HSPA14: variants seen among roughly 807,000 people sequenced by gnomAD.
HSPA14 encodes heat shock 70 kDa protein 14.
A neutral mutation model predicts 65.5 loss-of-function variants in HSPA14; 37 were observed. The observed-to-expected ratio is 0.56, with a 90% CI of 0.43 to 0.74. HSPA14 has a LOEUF of 0.74. Among genes scored for constraint, HSPA14 ranks in the 30% least tolerant of loss-of-function variants. The pLI is 0.00. For synonymous variants in HSPA14, 203 were observed against 214.2 expected (o/e 0.95, Z 0.46); for missense variants, 564 against 607.6 (o/e 0.93, Z 0.75).
At chr10:14,856,718 G>T (rs910694770) in intron 10 of HSPA14, among the ~76,000 whole-genome samples, 8 of 152,032 alleles carry the variant, frequency 5.3e-5, no homozygotes, top group Non-Finnish European at 1.2e-4. Flanking sequence ...AATTAGCGGG[G>T]TGTGATGATG....
chr10:14,862,189 G>A (rs1357153509), intron 10 of HSPA14, among the ~76,000 whole-genome samples: 7 of 150,372 alleles, frequency 4.7e-5, no homozygotes, highest in Admixed American at 1.3e-4. Flanking sequence ...CACCACACCC[G>A]GCTAATTTTT....
chr10:14,865,779 G>A (rs1439393548), intron 10 of HSPA14, among the ~76,000 whole-genome samples: 10 of 152,166 alleles, frequency 6.6e-5, no homozygotes, highest in Non-Finnish European at 1.5e-5. Flanking sequence ...TTTGGCTTAG[G>A]ATTGACTTGG....
chr10:14,847,394 G>T (rs1236313545), intron 3 of HSPA14, among the ~76,000 whole-genome samples: 3 of 152,300 alleles, frequency 2.0e-5, no homozygotes, highest in African/African-American at 7.2e-5. Flanking sequence ...AAGTGTTTGG[G>T]ATATAGTTAA....
intron 10 of HSPA14, among the ~76,000 whole-genome samples, chr10:14,864,330 TTTATATATATTTTTA>T (rs1049103157): frequency 9.2e-5 from 14 of 151,362 alleles, no homozygotes; most frequent in African/African-American, 2.7e-4. Flanking sequence ...TTTTTTTATT[TTTATATATATTTTTA>T]TTATACTTTA....
chr10:14,863,682 C>G (rs1041220991), intron 10 of HSPA14, among the ~76,000 whole-genome samples: 4 of 152,088 alleles, frequency 2.6e-5, no homozygotes, highest in African/African-American at 7.2e-5. Flanking sequence ...GCTGCTTCTC[C>G]CCACCCTCCT....
intron 3 of HSPA14, among the ~76,000 whole-genome samples, chr10:14,843,150 A>G (rs1833997018): frequency 6.6e-6 from 1 of 152,200 alleles, no homozygotes; most frequent in African/African-American, 2.4e-5. Flanking sequence ...TTGGATAGCT[A>G]TGTACAAAGG....
intron 10 of HSPA14, among the ~76,000 whole-genome samples, chr10:14,860,546 A>C (rs1254806637): frequency 6.6e-6 from 1 of 152,154 alleles, no homozygotes; most frequent in African/African-American, 2.4e-5. Context: ...GTGAAGTGAT[A>C]GAACAAGCCA....
intron 3 of HSPA14, among the ~76,000 whole-genome samples, chr10:14,848,226 T>A (rs1260191426): frequency 6.6e-6 from 1 of 152,216 alleles, no homozygotes; most frequent in African/African-American, 2.4e-5. Context: ...TTAGCTAGTT[T>A]GGTTTGCCTT....
At chr10:14,867,934 T>C (rs1178708401) in intron 12 of HSPA14, 25 bp downstream of exon 12, 3 of 1,582,750 alleles carry the variant, frequency 1.9e-6, no homozygotes, top group Non-Finnish European at 2.6e-6. Context: ...TTAGACACAT[T>C]AAACTGTTCA....
chr10:14,863,882 T>C (rs942352013), intron 10 of HSPA14, among the ~76,000 whole-genome samples: 4 of 152,066 alleles, frequency 2.6e-5, no homozygotes, highest in Admixed American at 6.6e-5. Context: ...CCTGATCTGA[T>C]AGAATTATTG....
At position 14,840,175 on chromosome 10, in the gene HSPA14, A is replaced by G; in HGVS notation, c.221+18A>G. ...GGCAGAAGGTATGGAATCAAATGATACTTTTAAATATGGTAATAGGAACAT... is the reference window on the plus strand; with the variant it reads ...GGCAGAAGGTATGGAATCAAATGATGCTTTTAAATATGGTAATAGGAACAT... On this transcript the variant is annotated intron_variant, in intron 3 of 13. Transcript: ENST00000378372. 1.7e-6 allele frequency: 2 copies of G among 1,193,648 alleles called. No homozygotes were observed. The highest frequency in any genetic ancestry group is 2.3e-6 in the Non-Finnish European group (2 of 864,644). 73.9% of individuals were successfully genotyped at this position (1,193,648 alleles called of 1,614,324 possible). A position where few individuals can be genotyped will look rare whatever the true frequency, so the allele number is the denominator to read the frequency against.
chr10:14,868,344 T>C (rs960890827), intron 12 of HSPA14, among the ~76,000 whole-genome samples: 3 of 152,224 alleles, frequency 2.0e-5, no homozygotes, highest in African/African-American at 7.2e-5. Flanking sequence ...TGACATGCTC[T>C]TCCCATTGTG....
chr10:14,860,531 ATGAAG>A (rs928592021), intron 10 of HSPA14, among the ~76,000 whole-genome samples: 10 of 152,160 alleles, frequency 6.6e-5, no homozygotes, highest in African/African-American at 2.4e-4. Flanking sequence ...AGAGTCCTGA[ATGAAG>A]TGAAGTGATA....
chr10:14,854,068 A>C, intron 8 of HSPA14, 57 bp from the exon 9 acceptor site: 4 of 1,412,178 alleles, frequency 2.8e-6, no homozygotes, highest in Non-Finnish European at 3.9e-6. Flanking sequence ...GATCTTAGTT[A>C]CAATATTGTA....
intron 3 of HSPA14, among the ~76,000 whole-genome samples, chr10:14,848,080 A>G (rs1161537640): frequency 6.6e-6 from 1 of 152,268 alleles, no homozygotes; most frequent in African/African-American, 2.4e-5. Context: ...TGTAGTCTGC[A>G]TAAGTTGCTT....
chr10:14,853,716 TTTTATTTA>T (rs1305546722), intron 8 of HSPA14, among the ~76,000 whole-genome samples: 10 of 152,036 alleles, frequency 6.6e-5, no homozygotes, highest in African/African-American at 2.2e-4. Context: ...CACTAATTTA[TTTTATTTA>T]TTTATTTATT....
chr10:14,870,635 A>C lies in HSPA14; in HGVS notation c.1419A>C (p.Leu473Phe). The change falls in exon 13 of 14, where the codon TTA (leucine) becomes TTC (phenylalanine). Residue 473 changes from leucine (L) to phenylalanine (F), a missense_variant. Physicochemically the swap from Leu to Phe is conservative, Grantham distance 22. Transcript: ENST00000378372. ...ATTTAGATAAAAAAGAAAATGGATT[A>C]CGTGATATATTAGCTGTTCTTACTA... ...LQDLDKKENG[L>F]RDILAVLTMK... 1 of 1,583,216 alleles carries C rather than the reference A, an allele frequency of 6.3e-7. No individual in the cohort carries two copies. The highest frequency in any genetic ancestry group is 2.3e-5 in the East Asian group (1 of 44,048).
At chr10:14,861,706 G>C (rs1466824773) in intron 10 of HSPA14, among the ~76,000 whole-genome samples, 2 of 152,048 alleles carry the variant, frequency 1.3e-5, no homozygotes, top group East Asian at 3.9e-4. Context: ...TTGGTTACTG[G>C]TAATTGGTTT....
intron 3 of HSPA14, chr10:14,846,493 G>A: frequency 5.1e-6 from 5 of 985,346 alleles, no homozygotes; most frequent in Non-Finnish European, 6.0e-6. Flanking sequence ...AAATATTAAG[G>A]GGAGGGAAAT....
Sources: gnomAD v4.1 joint callset for allele counts (sites outside exome capture counted in the v4.1 genomes callset) on GRCh38, gnomAD v4.1.1 for gene constraint, MANE v1.5 for transcripts, NCBI Gene and HGNC (gene_info 2026-07-23, HGNC 2026-07-21) for gene names.